CLIC5: variants seen among roughly 807,000 people sequenced by gnomAD.
CLIC5 encodes chloride intracellular channel protein 5.
CLIC5 carries 20 observed loss-of-function variants against 24.7 expected under a neutral mutation model. The observed-to-expected ratio is 0.81, with a 90% confidence interval of 0.57 to 1.18. CLIC5 has a LOEUF of 1.18. Ranked by LOEUF, CLIC5 falls within the 50% of genes most tolerant of loss-of-function variation. The pLI is 0.00. For missense variants in CLIC5, 341 were observed against 326.1 expected, an observed-to-expected ratio of 1.05 and a Z score of -0.35; for synonymous variants, 159 against 135.6, an observed-to-expected ratio of 1.17 and a Z score of -1.20.
Position 45,926,243 on chromosome 6 carries a change from ATTT to A in CLIC5, c.407-11837_407-11835del, listed in dbSNP as rs775765502. On this transcript the variant is annotated intron_variant, in intron 4 of 5. Coordinates refer to ENST00000339561, the MANE Select transcript of CLIC5 (RefSeq NM_016929.5). The stretch of plus-strand genomic sequence containing the variant: ...CATACATATACATATATATATATAT[ATTT>A]TATTTTTTTTATTTTTTTTGAAATG... Among the ~76,000 whole-genome samples the A allele has an allele frequency of 1.3e-3, 187 of 141,592 alleles. 2 individuals are homozygous for A. In the Middle Eastern group the frequency reaches 0.014, roughly 11 times the overall value. 92.9% of individuals were successfully genotyped at this position (141,592 alleles called of 152,430 possible).
chr6:45,971,298 T>C (rs935122148), intron 1 of CLIC5, among the ~76,000 whole-genome samples: 2 of 152,220 alleles, frequency 1.3e-5, no homozygotes, highest in Non-Finnish European at 2.9e-5. Context: ...TATGTAATCG[T>C]TGACAATCAA....
At chr6:46,072,414 C>T (rs182943126) in intron 1 of CLIC5, among the ~76,000 whole-genome samples, 7 of 151,882 alleles carry the variant, frequency 4.6e-5, no homozygotes, top group Admixed American at 6.6e-5. Flanking sequence ...GAGGTGAAAT[C>T]GATTGCACTA....
intron 4 of CLIC5, among the ~76,000 whole-genome samples, chr6:45,934,569 A>G (rs141610857): frequency 4.0e-4 from 61 of 152,332 alleles, no homozygotes; most frequent in African/African-American, 1.4e-3. Context: ...ATGAGATACT[A>G]TTGCCCCTGG....
intron 1 of CLIC5, among the ~76,000 whole-genome samples, chr6:46,009,093 C>T (rs750432284): frequency 6.6e-6 from 1 of 151,992 alleles, no homozygotes; most frequent in African/African-American, 2.4e-5. Flanking sequence ...AGTGCAGTGA[C>T]TCTTTCATGC....
At chr6:46,082,574 C>T (rs773410365), upstream of CLIC5, among the ~76,000 whole-genome samples, 128 of 152,202 alleles carry the variant, frequency 8.4e-4, no homozygotes, top group Non-Finnish European at 1.0e-3. Context: ...GTTTCTATAC[C>T]TGGAACACTC....
chr6:45,952,780 G>A (rs773578530), intron 2 of CLIC5, among the ~76,000 whole-genome samples: 2 of 152,072 alleles, frequency 1.3e-5, no homozygotes, highest in Non-Finnish European at 2.9e-5. Flanking sequence ...GGCAGGGGTG[G>A]TTCCCTCTCC....
chr6:45,916,767 G>A (rs921732939), intron 4 of CLIC5, among the ~76,000 whole-genome samples: 2 of 152,198 alleles, frequency 1.3e-5, no homozygotes, highest in African/African-American at 4.8e-5. Flanking sequence ...ATCAAGTCTG[G>A]TGACAGGAAT....
chr6:46,009,197 A>G (rs1766711872), intron 1 of CLIC5, among the ~76,000 whole-genome samples: 1 of 151,784 alleles, frequency 6.6e-6, no homozygotes, highest in Non-Finnish European at 1.5e-5. Flanking sequence ...GACTCTTCCC[A>G]TGCCAGCAGA....
chr6:45,968,928 G>A (rs1046944358), intron 1 of CLIC5, among the ~76,000 whole-genome samples: 2 of 152,198 alleles, frequency 1.3e-5, no homozygotes, highest in Non-Finnish European at 2.9e-5. Flanking sequence ...TTGGCACAAA[G>A]AGTTGTGTGA....
chr6:45,984,623 C>G (rs567756995), intron 1 of CLIC5, among the ~76,000 whole-genome samples: 48 of 152,296 alleles, frequency 3.2e-4, no homozygotes, highest in African/African-American at 1.1e-3. Flanking sequence ...AGGATGCTCT[C>G]CCCTGGTCAC....
the CLIC5 span, among the ~76,000 whole-genome samples, chr6:46,124,610 A>C: frequency 6.6e-6 from 1 of 152,250 alleles, no homozygotes; most frequent in South Asian, 2.1e-4. Context: ...TCTGCACAGC[A>C]AAAGAAACTA....
intron 4 of CLIC5, 48 bp from the exon 5 acceptor site, chr6:45,914,457 G>A (rs765445357): frequency 1.3e-5 from 19 of 1,517,862 alleles, no homozygotes; most frequent in Non-Finnish European, 1.6e-5. Flanking sequence ...CTTGCCAGTG[G>A]ATACAGTCAT....
chr6:46,085,556 C>T, the CLIC5 span, among the ~76,000 whole-genome samples: 1 of 152,138 alleles, frequency 6.6e-6, no homozygotes, highest in Non-Finnish European at 1.5e-5. Context: ...CCCTGTTTGC[C>T]TGGGTATCAG....
At chr6:46,108,218 C>T in the CLIC5 span, among the ~76,000 whole-genome samples, 14 of 151,910 alleles carry the variant, frequency 9.2e-5, no homozygotes, top group African/African-American at 3.4e-4. Context: ...TAATAATACA[C>T]TGATGCAAAA....
At chr6:45,969,145 T>C (rs1009320989) in intron 1 of CLIC5, among the ~76,000 whole-genome samples, 1 of 152,186 alleles carries the variant, frequency 6.6e-6, no homozygotes, top group African/African-American at 2.4e-5. Context: ...CCCAGCACCA[T>C]GCATGGCTCA....
At chr6:46,003,646 C>T (rs1232906918) in intron 1 of CLIC5, among the ~76,000 whole-genome samples, 1 of 152,186 alleles carries the variant, frequency 6.6e-6, no homozygotes, top group Non-Finnish European at 1.5e-5. Context: ...AGACTCACCC[C>T]TGTGGGTTTT....
intron 1 of CLIC5, among the ~76,000 whole-genome samples, chr6:45,985,402 C>T (rs758054440): frequency 1.3e-5 from 2 of 152,204 alleles, no homozygotes; most frequent in Non-Finnish European, 2.9e-5. Flanking sequence ...GTGTATTTGA[C>T]CTCCTTGTTA....
chr6:46,013,377 G>A (rs962613603), intron 1 of CLIC5, among the ~76,000 whole-genome samples: 4 of 152,146 alleles, frequency 2.6e-5, no homozygotes, highest in Non-Finnish European at 4.4e-5. Flanking sequence ...GTAAGGCCTG[G>A]GCAGCATCTT....
At chr6:45,921,859 C>T (rs1183913970) in intron 4 of CLIC5, among the ~76,000 whole-genome samples, 1 of 152,144 alleles carries the variant, frequency 6.6e-6, no homozygotes, top group African/African-American at 2.4e-5. Flanking sequence ...TCATGTCCAC[C>T]TTTGGCACTG....
Sources: allele counts gnomAD v4.1 joint callset (sites outside exome capture counted in the v4.1 genomes callset), GRCh38; gene constraint gnomAD v4.1.1; transcripts MANE v1.5; gene names NCBI Gene and HGNC (gene_info 2026-07-23, HGNC 2026-07-21).